PDE7B: variants seen among roughly 807,000 people sequenced by gnomAD.
PDE7B encodes phosphodiesterase 7B.
Under a neutral mutation model 56.2 loss-of-function variants are expected in PDE7B, and 29 were observed. The ratio of observed to expected loss-of-function variants is 0.52; its 90% confidence interval spans 0.38 to 0.70. PDE7B has a LOEUF of 0.70. Among genes scored for constraint, PDE7B ranks in the 30% least tolerant of loss-of-function variants. The pLI is 0.00. For missense variants in PDE7B, 490 were observed against 565.0 expected, an observed-to-expected ratio of 0.87 and a Z score of 1.35; for synonymous variants, 197 against 196.9, an observed-to-expected ratio of 1.00 and a Z score of 0.00.
chr6:136,048,089 TA>T (rs1467840356), intron 2 of PDE7B, among the ~76,000 whole-genome samples: 2 of 149,450 alleles, frequency 1.3e-5, no homozygotes, highest in Admixed American at 1.3e-4. Flanking sequence ...GATAGATAGA[TA>T]GACAGACAGA....
intron 2 of PDE7B, among the ~76,000 whole-genome samples, chr6:136,057,951 G>A (rs1362270780): frequency 1.3e-5 from 2 of 152,074 alleles, no homozygotes; most frequent in Admixed American, 1.3e-4. Flanking sequence ...TTTCCAGGCT[G>A]GTCTCGAACT....
intron 2 of PDE7B, among the ~76,000 whole-genome samples, chr6:136,040,690 C>G (rs1008842606): frequency 1.9e-4 from 29 of 152,190 alleles, no homozygotes; most frequent in Non-Finnish European, 1.8e-4. Context: ...ACACGGTGCT[C>G]CCTCGCTCTC....
chr6:136,105,161 G>T (rs1176869691), intron 2 of PDE7B, among the ~76,000 whole-genome samples: 1 of 152,190 alleles, frequency 6.6e-6, no homozygotes. Flanking sequence ...TGCTTGTACA[G>T]CCCATTTCCA....
At chr6:136,191,037 T>TTTTTTTTTTTTTTTTTTA (rs1471563191) in intron 12 of PDE7B, among the ~76,000 whole-genome samples, 3 of 143,166 alleles carry the variant, frequency 2.1e-5, no homozygotes, top group African/African-American at 8.6e-5. Context: ...TTTTTTTTTT[T>TTTTTTTTTTTTTTTTTTA]ACTTATATGT....
intron 2 of PDE7B, among the ~76,000 whole-genome samples, chr6:135,966,366 G>A (rs1774997816): frequency 6.6e-6 from 1 of 152,110 alleles, no homozygotes; most frequent in Admixed American, 6.6e-5. Flanking sequence ...GCTTACTCAG[G>A]AAACTAGTTT....
chr6:135,913,477 T>C (rs977369339), intron 1 of PDE7B, among the ~76,000 whole-genome samples: 1 of 152,188 alleles, frequency 6.6e-6, no homozygotes, highest in East Asian at 1.9e-4. Context: ...CTGCGGTCAC[T>C]CTTTAGTGCA....
At chr6:135,934,796 AAT>A (rs1258628656) in intron 1 of PDE7B, among the ~76,000 whole-genome samples, 1 of 119,666 alleles carries the variant, frequency 8.4e-6, no homozygotes, top group Non-Finnish European at 1.6e-5. Flanking sequence ...ATATATTTTA[AAT>A]ATATATATTT....
intron 2 of PDE7B, among the ~76,000 whole-genome samples, chr6:136,077,097 G>A (rs114150552): frequency 6.7e-4 from 102 of 151,320 alleles, no homozygotes; most frequent in African/African-American, 2.4e-3. Context: ...AGAGAAGTGG[G>A]AGGTGGGGGT....
At chr6:136,120,239 T>C (rs1777907661) in intron 3 of PDE7B, among the ~76,000 whole-genome samples, 1 of 152,244 alleles carries the variant, frequency 6.6e-6, no homozygotes, top group Non-Finnish European at 1.5e-5. Context: ...TTCCATTCTA[T>C]AGTTTTATCT....
intron 2 of PDE7B, among the ~76,000 whole-genome samples, chr6:135,957,668 AC>A (rs1222991938): frequency 6.6e-6 from 1 of 152,048 alleles, no homozygotes; most frequent in African/African-American, 2.4e-5. Context: ...ATTTTCTAGC[AC>A]CCTGTGTTGG....
chr6:136,134,253 G>A (rs779353786), intron 3 of PDE7B, among the ~76,000 whole-genome samples: 1 of 152,098 alleles, frequency 6.6e-6, no homozygotes, highest in Non-Finnish European at 1.5e-5. Context: ...GCACACATCT[G>A]GAACTTTTGC....
At position 135,953,643 on chromosome 6, in the gene PDE7B, A is replaced by G. The variant is rs369734068; in HGVS notation, c.82+6119A>G. On this transcript the variant is annotated intron_variant, in intron 2 of 12. Coordinates refer to ENST00000308191, the MANE Select transcript of PDE7B (RefSeq NM_018945.4). Reference sequence around the variant, plus strand: ...AAGTCCTTGCACTTCATTTTATATTAGTAGTATTTTTATAGCAAACTGACA... The same window carrying G: ...AAGTCCTTGCACTTCATTTTATATTGGTAGTATTTTTATAGCAAACTGACA... 5.3e-5 allele frequency among the ~76,000 whole-genome samples: 8 copies of G among 152,286 alleles called. No homozygotes were observed. The East Asian group carries it at 1.2e-3, about 22-fold the overall frequency.
intron 2 of PDE7B, among the ~76,000 whole-genome samples, chr6:136,081,232 CA>C: frequency 6.6e-6 from 1 of 152,006 alleles, no homozygotes; most frequent in Non-Finnish European, 1.5e-5. Context: ...AAAGTGAACA[CA>C]CATGAGGAGA....
intron 2 of PDE7B, among the ~76,000 whole-genome samples, chr6:136,040,464 A>G (rs141973151): frequency 6.6e-6 from 1 of 152,276 alleles, no homozygotes; most frequent in East Asian, 1.9e-4. Flanking sequence ...TACTCATCCT[A>G]TTCCTGATGC....
Position 136,139,797 on chromosome 6 carries a change from G to A in PDE7B, c.167-7554G>A, listed in dbSNP as rs530151114. ...TGAGAAGTGTCTGTTCATATCCTTC[G>A]CCCACTTGTTGATGGGGTTGTTTGT... On this transcript the variant is annotated intron_variant, in intron 3 of 12. Coordinates refer to ENST00000308191, the MANE Select transcript of PDE7B (RefSeq NM_018945.4). Among the ~76,000 whole-genome samples the A allele has an allele frequency of 1.4e-3, 219 of 152,220 alleles. 1 individual carries two copies. The highest frequency in any genetic ancestry group is 4.8e-3 in the African/African-American group (199 of 41,520).
At chr6:136,007,846 A>C (rs868670519) in intron 2 of PDE7B, among the ~76,000 whole-genome samples, 2 of 148,726 alleles carry the variant, frequency 1.3e-5, no homozygotes, top group East Asian at 2.0e-4. Flanking sequence ...TTTTTTTTTT[A>C]TTATACTTTA....
intron 2 of PDE7B, among the ~76,000 whole-genome samples, chr6:136,092,874 A>T (rs1328102324): frequency 2.0e-5 from 3 of 152,202 alleles, no homozygotes. Context: ...CAGAATGGTG[A>T]CTATAGTCAA....
intron 1 of PDE7B, among the ~76,000 whole-genome samples, chr6:135,861,961 A>C (rs1440718495): frequency 1.3e-5 from 2 of 151,858 alleles, no homozygotes; most frequent in East Asian, 3.8e-4. Context: ...TCTGTATATC[A>C]ATTAATTATC....
chr6:135,935,357 G>A (rs560449309), intron 1 of PDE7B, among the ~76,000 whole-genome samples: 1 of 150,420 alleles, frequency 6.6e-6, no homozygotes, highest in East Asian at 2.0e-4. Flanking sequence ...CATGGCCTCA[G>A]ATGCTAACTT....
Sources: gnomAD v4.1 joint callset for allele counts (sites outside exome capture counted in the v4.1 genomes callset) on GRCh38, gnomAD v4.1.1 for gene constraint, MANE v1.5 for transcripts, NCBI Gene and HGNC (gene_info 2026-07-23, HGNC 2026-07-21) for gene names.